RCN2: variants seen among roughly 807,000 people sequenced by gnomAD.
RCN2 encodes reticulocalbin 2, also known as reticulocalbin-2.
A neutral mutation model predicts 37.5 loss-of-function variants in RCN2; 23 were observed. The observed-to-expected ratio is 0.61, with a 90% CI of 0.44 to 0.87. The LOEUF is 0.87. Among genes scored for constraint, RCN2 ranks in the 40% least tolerant of loss-of-function variants. The probability of loss-of-function intolerance (pLI) is 0.00; values close to 1 mark genes in which losing one functional copy is unlikely to be tolerated. For synonymous variants in RCN2, 140 were observed against 144.6 expected, an observed-to-expected ratio of 0.97 and a Z score of 0.23; for missense variants, 381 against 390.4, an observed-to-expected ratio of 0.98 and a Z score of 0.20.
chr15:76,941,140 C>T (rs1327442319), intron 3 of RCN2, among the ~76,000 whole-genome samples: 2 of 151,908 alleles, frequency 1.3e-5, no homozygotes, highest in African/African-American at 4.8e-5. Flanking sequence ...TTCAAGCAAT[C>T]GTCCTGCCTC....
Position 76,952,313 on chromosome 15 carries a change from G to GT in RCN2, c.*3092dup, listed in dbSNP as rs1336440251. On this transcript the variant is annotated 3_prime_UTR_variant, in exon 7 of 7. Transcript: ENST00000394885. The stretch of plus-strand genomic sequence containing the variant: ...AATTACATATTCCCACCATTGTAGT[G>GT]TGGTAGAATATTTCCCTTGCCCTAA... 3.3e-5 allele frequency: 5 copies of GT among 152,292 alleles called. No homozygotes were observed. The highest frequency in any genetic ancestry group is 1.2e-4 in the African/African-American group (5 of 41,558). 9.4% of individuals were successfully genotyped at this position (152,292 alleles called of 1,614,324 possible). A position where few individuals can be genotyped will look rare whatever the true frequency, so the allele number is the denominator to read the frequency against.
In RCN2 at chr15:76,935,622, C is replaced by A; in HGVS notation, c.347C>A (p.Thr116Asn). Residue 116 changes from threonine to asparagine, a missense_variant, in exon 3 of 7, where the codon ACT becomes AAT. Coordinates refer to ENST00000394885, the MANE Select transcript of RCN2 (RefSeq NM_002902.3). Reference protein sequence around the residue: ...FVEYDKNSDDTVTWDEYNIQM... With the variant: ...FVEYDKNSDDNVTWDEYNIQM... ...GAATATGATAAAAACAGTGATGATA[C>A]TGTGACTTGGGATGAATATAACATT... The A allele has an allele frequency of 6.2e-7, 1 of 1,613,306 alleles. No homozygotes were observed. Among genetic ancestry groups the A allele is most frequent in the Non-Finnish European group, 8.5e-7 (1 of 1,179,256 alleles).
At chr15:76,946,446 G>A (rs1264583355) in intron 4 of RCN2, among the ~76,000 whole-genome samples, 1 of 148,252 alleles carries the variant, frequency 6.7e-6, no homozygotes, top group South Asian at 2.1e-4. Context: ...GAGATCCTAT[G>A]TTAAAAAAAA....
chr15:76,953,579 A>G lies in RCN2; in HGVS notation c.*4357A>G, dbSNP rs1596009769. 1 of 16,694 alleles carries G rather than the reference A, an allele frequency of 6.0e-5. No individual in the cohort carries two copies. Among genetic ancestry groups the G allele is most frequent in the African/African-American group, 2.5e-4 (1 of 4,038 alleles). 1.0% of individuals were successfully genotyped at this position (16,694 alleles called of 1,614,324 possible). ...TCTATATATATATATATATATATATATATATATATATATATTTTTTTTTTT... is the reference window on the plus strand; with the variant it reads ...TCTATATATATATATATATATATATGTATATATATATATATTTTTTTTTTT... On this transcript the variant is annotated 3_prime_UTR_variant, in exon 7 of 7. Coordinates refer to ENST00000394885, the MANE Select transcript of RCN2 (RefSeq NM_002902.3).
chr15:76,941,474 A>G (rs2075276260), intron 3 of RCN2: 1 of 426,408 alleles, frequency 2.3e-6, no homozygotes, highest in Non-Finnish European at 4.2e-6. Flanking sequence ...TTTGTTCCTC[A>G]CAAGTTTCTG....
intron 2 of RCN2, among the ~76,000 whole-genome samples, chr15:76,932,701 TCA>T (rs2152649139): frequency 6.6e-6 from 1 of 152,338 alleles, no homozygotes; most frequent in Non-Finnish European, 1.5e-5. Flanking sequence ...TATGTGGAAG[TCA>T]CACCTTGAGA....
intron 1 of RCN2, 132 bp downstream of exon 1, chr15:76,932,117 C>A (rs1435419496): frequency 5.5e-6 from 5 of 913,320 alleles, no homozygotes; most frequent in Admixed American, 3.8e-5. Flanking sequence ...CCGGGCGGCG[C>A]GGCACTCGCT....
chr15:76,945,590 A>T (rs1359211631), intron 4 of RCN2, among the ~76,000 whole-genome samples: 1 of 152,246 alleles, frequency 6.6e-6, no homozygotes, highest in Admixed American at 6.5e-5. Flanking sequence ...CTGGGAAATA[A>T]AGACTAATGT....
Position 76,935,611 on chromosome 15 carries a change from CA to C in RCN2, c.337del (p.Ser113ValfsTer5). On this transcript the variant is annotated frameshift_variant, in exon 3 of 7. Transcript: ENST00000394885. LOFTEE classifies it high-confidence loss of function. ...AACAGTTTGTTGAATATGATAAAAA[CA>C]GTGATGATACTGTGACTTGGGATGA... is the stretch of plus-strand genomic sequence containing the variant. ...KQQFVEYDKN[S>X]DDTVTWDEYN... 1 of 1,613,218 alleles carries C rather than the reference CA, an allele frequency of 6.2e-7. No homozygotes were observed. The highest frequency in any genetic ancestry group is 8.5e-7 in the Non-Finnish European group (1 of 1,179,204).
chr15:76,941,917 A>G (rs2075277938), intron 3 of RCN2: 1 of 351,972 alleles, frequency 2.8e-6, no homozygotes, highest in East Asian at 4.2e-5. Flanking sequence ...GGTATTTTGA[A>G]TAATGGTTTA....
chr15:76,937,235 C>G (rs2075254820), intron 3 of RCN2, among the ~76,000 whole-genome samples: 2 of 152,082 alleles, frequency 1.3e-5, no homozygotes, highest in Non-Finnish European at 2.9e-5. Flanking sequence ...AAAAGAAATG[C>G]TCATTGAAGC....
chr15:76,938,428 G>A (rs550696355), intron 3 of RCN2, among the ~76,000 whole-genome samples: 1 of 152,226 alleles, frequency 6.6e-6, no homozygotes, highest in East Asian at 1.9e-4. Flanking sequence ...ATCTGTGGGA[G>A]GTTCTGGAAC....
Position 76,933,748 on chromosome 15 carries a change from T to C in RCN2, c.250+1282T>C, listed in dbSNP as rs1296838241. On this transcript the variant is annotated intron_variant, in intron 2 of 6. Transcript: ENST00000394885. ...TGTTTTCTTCTATGCCATGGTGATC[T>C]CTTTAAATAAACTAGAAGAAAGATT... Among the ~76,000 whole-genome samples the C allele has an allele frequency of 2.0e-5, 3 of 152,238 alleles. 1 individual carries two copies. Among genetic ancestry groups the C allele is most frequent in the East Asian group, 1.9e-4 (1 of 5,202 alleles).
chr15:76,932,494 T>C, intron 2 of RCN2, 28 bp downstream of exon 2: 1 of 1,436,328 alleles, frequency 7.0e-7, no homozygotes, highest in Non-Finnish European at 9.8e-7. Context: ...CGACTAACAA[T>C]GGAGACAAAC....
At position 76,949,384 on chromosome 15, in the gene RCN2, A is replaced by AT. The variant is rs2075309881; in HGVS notation, c.*162_*163insT. 3 of 478,894 alleles carry AT rather than the reference A, an allele frequency of 6.3e-6. No homozygotes were observed. The allele number at this position is 478,894 out of a possible 1,614,324, so 29.7% of individuals were successfully genotyped here. The stretch of plus-strand genomic sequence containing the variant: ...AATTTTGGTCTTTTAGGAAAAAAAA[A>AT]CAAAAATCTGATATTTATTTCAAAA... On this transcript the variant is annotated 3_prime_UTR_variant, in exon 7 of 7. Transcript: ENST00000394885.
Position 76,931,896 on chromosome 15 carries a change from G to A in RCN2, c.55G>A (p.Ala19Thr). ...GGGGCTGCTGCTGCTGTGCGCCGCC[G>A]CGGCCGGCGCCGGCAAGGCCGAGGA... ...ALGLLLLCAA[A>T]AGAGKAEELH... The change falls in exon 1 of 7, where the codon GCG becomes ACG. Residue 19 changes from alanine to threonine, a missense_variant. Coordinates refer to ENST00000394885, the MANE Select transcript of RCN2 (RefSeq NM_002902.3). 7.6e-7 allele frequency: 1 copy of A among 1,320,042 alleles called. No individual in the cohort carries two copies. The highest frequency in any genetic ancestry group is 9.7e-7 in the Non-Finnish European group (1 of 1,033,720). 81.8% of individuals were successfully genotyped at this position (1,320,042 alleles called of 1,614,324 possible). A position where few individuals can be genotyped will look rare whatever the true frequency, so the allele number is the denominator to read the frequency against.
In RCN2 at chr15:76,953,487, A is replaced by C. The variant is rs2075330585; in HGVS notation, c.*4265A>C. The C allele has an allele frequency of 7.5e-6, 1 of 132,552 alleles. No individual in the cohort carries two copies. The highest frequency in any genetic ancestry group is 2.5e-4 in the South Asian group (1 of 4,024). 8.2% of individuals were successfully genotyped at this position (132,552 alleles called of 1,614,324 possible). A position where few individuals can be genotyped will look rare whatever the true frequency, so the allele number is the denominator to read the frequency against. On this transcript the variant is annotated 3_prime_UTR_variant, in exon 7 of 7. Coordinates refer to ENST00000394885, the MANE Select transcript of RCN2 (RefSeq NM_002902.3). ...ATGGGTGTACAAATATTTCTTTGAGATCCTGCTTTTAGTTCTTTTGGATAT... is the reference window on the plus strand; with the variant it reads ...ATGGGTGTACAAATATTTCTTTGAGCTCCTGCTTTTAGTTCTTTTGGATAT...
At chr15:76,943,031 A>G (rs1158278147) in intron 3 of RCN2, 3 of 152,222 alleles carry the variant, frequency 2.0e-5, no homozygotes, top group Admixed American at 6.5e-5. Flanking sequence ...TGTTTTTCTG[A>G]AACAATAATG....
At chr15:76,941,767 T>C in intron 3 of RCN2, 2 of 773,578 alleles carry the variant, frequency 2.6e-6, no homozygotes, top group Non-Finnish European at 3.8e-6. Context: ...TCACTTTTTT[T>C]TTTTTTAAAG....
Sources: allele counts gnomAD v4.1 joint callset (sites outside exome capture counted in the v4.1 genomes callset), GRCh38; gene constraint gnomAD v4.1.1; transcripts MANE v1.5; gene names NCBI Gene and HGNC (gene_info 2026-07-23, HGNC 2026-07-21).